RTN4R: variants seen among roughly 807,000 people sequenced by gnomAD.
RTN4R encodes the protein reticulon 4 receptor, also known as reticulon-4 receptor.
In RTN4R, 4 loss-of-function variants were observed where a neutral mutation model predicts 27.7. The observed-to-expected ratio is 0.14, with a 90% CI of 0.07 to 0.33. The LOEUF is 0.33. Ranked by LOEUF, RTN4R falls within the 10% of genes least tolerant of loss-of-function variation. The pLI is 1.00. For missense variants in RTN4R, 554 were observed against 671.5 expected, an observed-to-expected ratio of 0.83 and a Z score of 1.93; for synonymous variants, 290 against 305.6, an observed-to-expected ratio of 0.95 and a Z score of 0.53.
At chr22:20,248,054 C>T (rs921468207) in intron 1 of RTN4R, among the ~76,000 whole-genome samples, 1 of 152,116 alleles carries the variant, frequency 6.6e-6, no homozygotes, top group African/African-American at 2.4e-5. Context: ...AGGCTGGGCC[C>T]TTCAATCCAG....
chr22:20,259,476 C>T (rs1402286774), intron 1 of RTN4R, among the ~76,000 whole-genome samples: 1 of 152,118 alleles, frequency 6.6e-6, no homozygotes, highest in Non-Finnish European at 1.5e-5. Flanking sequence ...GCCGAGGGAG[C>T]ACCAGAGCTG....
Position 20,249,057 on chromosome 22 carries a change from G to T in RTN4R, c.23-5947C>A, listed in dbSNP as rs1345141210. ...CAGCCAGTGCCCCCTTGCCCCACAG[G>T]AGGCTTGAGCCCACCTGCTCCTCCA... On this transcript the variant is annotated intron_variant, in intron 1 of 1. Coordinates refer to ENST00000043402, the MANE Select transcript of RTN4R (RefSeq NM_023004.6). 14 of 517,572 alleles carry T rather than the reference G, an allele frequency of 2.7e-5. No homozygotes were observed. In the Admixed American group the frequency reaches 2.8e-4, roughly 10 times the overall value. 32.1% of individuals were successfully genotyped at this position (517,572 alleles called of 1,614,324 possible).
chr22:20,262,059 G>A (rs1182847457), intron 1 of RTN4R, among the ~76,000 whole-genome samples: 4 of 152,240 alleles, frequency 2.6e-5, no homozygotes, highest in African/African-American at 9.6e-5. Flanking sequence ...GCCACAGGCC[G>A]GGGACAGAGG....
intron 1 of RTN4R, among the ~76,000 whole-genome samples, chr22:20,259,106 T>C (rs1027983285): frequency 7.9e-5 from 12 of 151,976 alleles, no homozygotes; most frequent in East Asian, 3.9e-4. Context: ...CAGCTCGGGG[T>C]TGGGGACAGG....
intron 1 of RTN4R, among the ~76,000 whole-genome samples, chr22:20,251,710 A>G (rs995368780): frequency 6.7e-6 from 1 of 150,360 alleles, no homozygotes; most frequent in Non-Finnish European, 1.5e-5. Flanking sequence ...TATCATCATC[A>G]CCATCACCAT....
chr22:20,252,675 C>G (rs2051191206), intron 1 of RTN4R, among the ~76,000 whole-genome samples: 1 of 152,160 alleles, frequency 6.6e-6, no homozygotes, highest in Non-Finnish European at 1.5e-5. Flanking sequence ...CCAGGGATGA[C>G]ACAGCAGGGA....
At chr22:20,263,750 C>A (rs1377361397) in intron 1 of RTN4R, among the ~76,000 whole-genome samples, 1 of 152,266 alleles carries the variant, frequency 6.6e-6, no homozygotes, top group Non-Finnish European at 1.5e-5. Context: ...CGAGGTGTGC[C>A]AACTGCCCTG....
Position 20,255,035 on chromosome 22 carries a change from AGAGCTG to A in RTN4R, c.23-11931_23-11926del, listed in dbSNP as rs1326417792. The stretch of plus-strand genomic sequence containing the variant: ...TGCTGGGGAGTGTGCTGGAGGAGAC[AGAGCTG>A]GAGTAGAAGCTGAGGAAATGTGGCG... On this transcript the variant is annotated intron_variant, in intron 1 of 1. Transcript: ENST00000043402. The surrounding 1 kb of genome is among the most constrained non-coding windows in gnomAD (Gnocchi z 4.8). 1.3e-5 allele frequency among the ~76,000 whole-genome samples: 2 copies of A among 152,222 alleles called. No homozygotes were observed. Among genetic ancestry groups the A allele is most frequent in the South Asian group, 2.1e-4 (1 of 4,838 alleles).
At chr22:20,263,064 G>C (rs960986265) in intron 1 of RTN4R, among the ~76,000 whole-genome samples, 1 of 152,216 alleles carries the variant, frequency 6.6e-6, no homozygotes, top group African/African-American at 2.4e-5. Context: ...CCTCAGCCTT[G>C]GCCTGACATT....
intron 1 of RTN4R, among the ~76,000 whole-genome samples, chr22:20,252,978 T>C (rs1198278412): frequency 1.3e-5 from 2 of 151,678 alleles, no homozygotes; most frequent in Admixed American, 6.6e-5. Flanking sequence ...GGCCTGCCAA[T>C]GTGACCTGGG....
intron 1 of RTN4R, chr22:20,243,719 AC>A (rs1485252112): frequency 1.4e-5 from 5 of 347,856 alleles, no homozygotes; most frequent in Non-Finnish European, 3.0e-5. Flanking sequence ...CTTGGCAGGA[AC>A]CCTCCTGAAG....
chr22:20,264,875 T>C (rs1235554403), intron 1 of RTN4R, among the ~76,000 whole-genome samples: 1 of 152,154 alleles, frequency 6.6e-6, no homozygotes, highest in Admixed American at 6.5e-5. Flanking sequence ...ATGAACCTCA[T>C]TGATCAGATA....
intron 1 of RTN4R, among the ~76,000 whole-genome samples, chr22:20,247,546 G>C (rs1017462352): frequency 7.0e-6 from 1 of 142,116 alleles, no homozygotes; most frequent in African/African-American, 2.7e-5. Context: ...TCCATCCTCA[G>C]GCCCACAGAC....
At chr22:20,243,290 G>A in intron 1 of RTN4R, 180 bp from the exon 2 acceptor site, 2 of 685,368 alleles carry the variant, frequency 2.9e-6, no homozygotes, top group East Asian at 5.4e-5. Context: ...CAGGCCTCAT[G>A]GACGATGCTG....
At chr22:20,261,919 A>G (rs2051249893) in intron 1 of RTN4R, among the ~76,000 whole-genome samples, 2 of 152,270 alleles carry the variant, frequency 1.3e-5, no homozygotes, top group South Asian at 4.1e-4. Flanking sequence ...CGAAGGGGCC[A>G]AAGCTTCACC....
intron 1 of RTN4R, among the ~76,000 whole-genome samples, chr22:20,251,071 C>T (rs1486655729): frequency 3.3e-5 from 5 of 152,144 alleles, no homozygotes; most frequent in Non-Finnish European, 7.4e-5. Context: ...TGCCAGTCCA[C>T]CCACCTTGGA....
intron 1 of RTN4R, among the ~76,000 whole-genome samples, chr22:20,266,313 A>C (rs1352132511): frequency 1.3e-5 from 2 of 152,206 alleles, no homozygotes; most frequent in Non-Finnish European, 2.9e-5. Flanking sequence ...TGGCCTGCCA[A>C]TCCAAGCCCC....
intron 1 of RTN4R, among the ~76,000 whole-genome samples, chr22:20,261,627 C>G (rs1007141156): frequency 3.9e-5 from 6 of 152,222 alleles, no homozygotes; most frequent in African/African-American, 1.4e-4. Flanking sequence ...GGCCACCAAC[C>G]CTGGGGTCTC....
rs1335314479 is a variant in RTN4R at position 20,268,272 on chromosome 22, GCA to G, written c.-182_-181del. Reference sequence around the variant, plus strand: ...CTGGCTGGGCTCGGGCCGCGGGTGCGCAGGGCGCGCAGGGCGCACAGGGCGAG... The same window carrying G: ...CTGGCTGGGCTCGGGCCGCGGGTGCGGGGCGCGCAGGGCGCACAGGGCGAG... On this transcript the variant is annotated 5_prime_UTR_variant, in exon 1 of 2. Transcript: ENST00000043402. 1.5e-4 allele frequency: 22 copies of G among 151,262 alleles called. No homozygotes were observed. Among genetic ancestry groups the G allele is most frequent in the East Asian group, 3.9e-4 (2 of 5,122 alleles). 9.4% of individuals were successfully genotyped at this position (151,262 alleles called of 1,614,324 possible). A position where few individuals can be genotyped will look rare whatever the true frequency, so the allele number is the denominator to read the frequency against.
Sources: gnomAD v4.1 joint callset for allele counts (sites outside exome capture counted in the v4.1 genomes callset) on GRCh38, gnomAD v4.1.1 for gene constraint, Gnocchi (gnomAD v3.1) non-coding constraint, MANE v1.5 for transcripts, NCBI Gene and HGNC (gene_info 2026-07-23, HGNC 2026-07-21) for gene names.